Variants in MAGI2 observed in about 807,000 individuals in gnomAD.
The protein encoded by MAGI2 is membrane associated guanylate kinase, WW and PDZ domain containing 2.
Under a neutral mutation model 133.3 loss-of-function variants are expected in MAGI2, and 35 were observed. The ratio of observed to expected loss-of-function variants is 0.26; its 90% CI spans 0.20 to 0.35. MAGI2 has a LOEUF of 0.35. Ranked by LOEUF, MAGI2 falls within the 10% of genes least tolerant of loss-of-function variation. The probability of loss-of-function intolerance (pLI) is 1.00; values close to 1 mark genes in which losing one functional copy is unlikely to be tolerated. For synonymous variants in MAGI2, 729 were observed against 710.6 expected (o/e 1.03, Z -0.41); for missense variants, 1,636 against 1,863.4 (o/e 0.88, Z 2.25).
In MAGI2 at chr7:78,146,160, G is replaced by A. The variant is rs181163591; in HGVS notation, c.2846-10954C>T. ...TGGTTGTTTTATTCCATTCTGTCCC[G>A]AGTATTTTAGGTTCTGGGCCTCCCT... On this transcript the variant is annotated intron_variant, in intron 16 of 21. Coordinates refer to ENST00000354212, the MANE Select transcript of MAGI2 (RefSeq NM_012301.4). Among the ~76,000 whole-genome samples the A allele has an allele frequency of 2.9e-3, 438 of 151,156 alleles. 1 individual carries two copies. The highest frequency in any genetic ancestry group is 4.8e-3 in the Non-Finnish European group (322 of 67,774).
intron 4 of MAGI2, among the ~76,000 whole-genome samples, chr7:78,512,054 C>T (rs140686465): frequency 0.059 from 8,851 of 150,888 alleles, 469 homozygotes; most frequent in African/African-American, 0.14. Flanking sequence ...ACCAGGGAGG[C>T]GGAGCTTGCG....
At chr7:78,406,162 A>G (rs183912546) in intron 6 of MAGI2, among the ~76,000 whole-genome samples, 4 of 152,158 alleles carry the variant, frequency 2.6e-5, no homozygotes, top group Admixed American at 2.0e-4. Context: ...ATTAATGAAC[A>G]AGAAAAAAAT....
At chr7:79,101,732 A>G (rs891867932) in intron 1 of MAGI2, among the ~76,000 whole-genome samples, 1 of 150,880 alleles carries the variant, frequency 6.6e-6, no homozygotes, top group African/African-American at 2.4e-5. Flanking sequence ...ACAAAAAAAA[A>G]AAAAAAAAGA....
intron 5 of MAGI2, among the ~76,000 whole-genome samples, chr7:78,494,094 A>C (rs1002409613): frequency 6.6e-5 from 10 of 152,004 alleles, no homozygotes; most frequent in African/African-American, 1.9e-4. Context: ...CTCCCGCCTC[A>C]GCCTCCCAAG....
intron 1 of MAGI2, among the ~76,000 whole-genome samples, chr7:79,354,774 G>A (rs1585681941): frequency 1.3e-5 from 2 of 152,110 alleles, no homozygotes; most frequent in African/African-American, 4.8e-5. Flanking sequence ...GTTTGTTTTT[G>A]AATGATCTAC....
At chr7:78,885,425 T>C (rs539433173) in intron 2 of MAGI2, among the ~76,000 whole-genome samples, 2 of 152,190 alleles carry the variant, frequency 1.3e-5, no homozygotes, top group African/African-American at 4.8e-5. Context: ...TCCACGATGA[T>C]CCTTTCAATG....
chr7:78,548,414 G>A (rs890219564), intron 3 of MAGI2, among the ~76,000 whole-genome samples: 23 of 151,954 alleles, frequency 1.5e-4, no homozygotes, highest in Admixed American at 2.6e-4. Flanking sequence ...CTTTCATGTC[G>A]GCCAGGCACA....
chr7:78,751,129 G>C (rs1823416866), intron 2 of MAGI2, among the ~76,000 whole-genome samples: 3 of 152,244 alleles, frequency 2.0e-5, no homozygotes, highest in South Asian at 4.1e-4. Context: ...CTTGTTCCCT[G>C]ATATATAATG....
chr7:79,421,610 A>C (rs1481396722), intron 1 of MAGI2, among the ~76,000 whole-genome samples: 2 of 151,848 alleles, frequency 1.3e-5, no homozygotes, highest in Admixed American at 1.3e-4. Flanking sequence ...TGCCTATCAC[A>C]TTGTCTACTT....
At chr7:78,164,663 C>T (rs141532697) in intron 15 of MAGI2, among the ~76,000 whole-genome samples, 1 of 152,382 alleles carries the variant, frequency 6.6e-6, no homozygotes, top group African/African-American at 2.4e-5. Flanking sequence ...AAGACAACCT[C>T]CCCTTTTTTG....
At chr7:78,353,107 G>A (rs905776993) in intron 7 of MAGI2, 1 of 152,180 alleles carries the variant, frequency 6.6e-6, no homozygotes, top group African/African-American at 2.4e-5. Flanking sequence ...GGAGATCATT[G>A]TTATCAAAGG....
chr7:78,663,437 C>A (rs985184047), intron 2 of MAGI2, among the ~76,000 whole-genome samples: 1 of 152,038 alleles, frequency 6.6e-6, no homozygotes, highest in Admixed American at 6.6e-5. Flanking sequence ...AATCTCCTGA[C>A]CTCATGATCT....
intron 1 of MAGI2, among the ~76,000 whole-genome samples, chr7:79,022,710 A>G (rs536915246): frequency 3.3e-5 from 5 of 152,002 alleles, no homozygotes; most frequent in Non-Finnish European, 7.4e-5. Flanking sequence ...CCACACAGAA[A>G]TACAAACCCC....
At chr7:79,322,641 C>A (rs939511678) in intron 1 of MAGI2, among the ~76,000 whole-genome samples, 1 of 151,780 alleles carries the variant, frequency 6.6e-6, no homozygotes, top group Non-Finnish European at 1.5e-5. Flanking sequence ...AAAAATTAGC[C>A]GGGCCATAGT....
chr7:78,952,431 A>G (rs1243013983), intron 2 of MAGI2, among the ~76,000 whole-genome samples: 1 of 152,134 alleles, frequency 6.6e-6, no homozygotes, highest in African/African-American at 2.4e-5. Flanking sequence ...AACTGTTTTC[A>G]TCCATGTATT....
At chr7:78,212,302 G>A (rs1044477482) in intron 10 of MAGI2, among the ~76,000 whole-genome samples, 1 of 152,226 alleles carries the variant, frequency 6.6e-6, no homozygotes, top group Non-Finnish European at 1.5e-5. Context: ...ATTTGCAGAT[G>A]TGATTAAGGC....
chr7:78,274,659 G>A (rs1562729749), intron 9 of MAGI2, among the ~76,000 whole-genome samples: 1 of 152,094 alleles, frequency 6.6e-6, no homozygotes, highest in Non-Finnish European at 1.5e-5. Flanking sequence ...AGTCTAGAGA[G>A]GAAGTCTGGC....
At chr7:78,930,304 A>G (rs148662194) in intron 2 of MAGI2, among the ~76,000 whole-genome samples, 1 of 152,270 alleles carries the variant, frequency 6.6e-6, no homozygotes, top group East Asian at 1.9e-4. Flanking sequence ...TGCATCAAGC[A>G]TGCTTGAAAA....
In MAGI2 at chr7:78,882,330, C is replaced by T. The variant is rs181401047; in HGVS notation, c.418+124760G>A. Among the ~76,000 whole-genome samples, 6 of 151,714 alleles carry T rather than the reference C, an allele frequency of 4.0e-5. No homozygotes were observed. In the East Asian group the frequency reaches 5.8e-4, roughly 15 times the overall value. On this transcript the variant is annotated intron_variant, in intron 2 of 21. Coordinates refer to ENST00000354212, the MANE Select transcript of MAGI2 (RefSeq NM_012301.4). ...AATTGAATCAGGAAGAAATTGAAGC[C>T]GTGAACAGACCAACATTGAATTCTG...
Sources: gnomAD v4.1 joint callset for allele counts (sites outside exome capture counted in the v4.1 genomes callset) on GRCh38, gnomAD v4.1.1 for gene constraint, MANE v1.5 for transcripts, NCBI Gene and HGNC (gene_info 2026-07-23, HGNC 2026-07-21) for gene names.